Variants in CSMD2 observed in about 807,000 individuals in gnomAD.
CSMD2 encodes CUB and sushi domain-containing protein 2.
CSMD2 carries 130 observed loss-of-function variants against 398.5 expected under a neutral mutation model. That is an observed-to-expected ratio of 0.33 (90% CI 0.28 to 0.38). The LOEUF is 0.38. CSMD2 is among the 10% of genes least tolerant of loss of function. The pLI is 1.00. For synonymous variants in CSMD2, 1,828 were observed against 1,908.5 expected, an observed-to-expected ratio of 0.96 and a Z score of 1.10; for missense variants, 3,829 against 4,764.9, an observed-to-expected ratio of 0.80 and a Z score of 5.78.
intron 6 of CSMD2, among the ~76,000 whole-genome samples, chr1:33,835,688 C>CA (rs1553226546): frequency 7.4e-4 from 7 of 9,442 alleles, no homozygotes; most frequent in Non-Finnish European, 9.0e-4. Flanking sequence ...CAAAACAAAA[C>CA]AAAAAAAACA....
intron 5 of CSMD2, among the ~76,000 whole-genome samples, chr1:33,888,783 G>GTTGTTGTTA (rs1641775658): frequency 6.6e-6 from 1 of 151,956 alleles, no homozygotes; most frequent in African/African-American, 2.4e-5. Context: ...TGTTGTTGTT[G>GTTGTTGTTA]TTGAGATGGA....
chr1:34,087,095 C>T (rs1215786192), intron 2 of CSMD2, among the ~76,000 whole-genome samples: 1 of 152,102 alleles, frequency 6.6e-6, no homozygotes, highest in Non-Finnish European at 1.5e-5. Context: ...GGCTCTGCCA[C>T]AGCAAGACCA....
intron 5 of CSMD2, among the ~76,000 whole-genome samples, chr1:33,912,684 C>T (rs1558092845): frequency 6.6e-6 from 1 of 152,130 alleles, no homozygotes; most frequent in Non-Finnish European, 1.5e-5. Flanking sequence ...TGGTCCCTGC[C>T]CCCCTACTCT....
intron 3 of CSMD2, among the ~76,000 whole-genome samples, chr1:33,980,464 A>C (rs1646127554): frequency 6.6e-6 from 1 of 152,226 alleles, no homozygotes; most frequent in Admixed American, 6.5e-5. Context: ...GGAGAGACAA[A>C]GAATGATTCA....
chr1:33,526,087 T>C (rs902868551), intron 65 of CSMD2, among the ~76,000 whole-genome samples: 1 of 152,248 alleles, frequency 6.6e-6, no homozygotes, highest in African/African-American at 2.4e-5. Context: ...TGTATACATA[T>C]AGAATAACAT....
intron 2 of CSMD2, among the ~76,000 whole-genome samples, chr1:34,034,436 A>C (rs1650858782): frequency 6.6e-6 from 1 of 152,160 alleles, no homozygotes; most frequent in African/African-American, 2.4e-5. Flanking sequence ...TGGACCTTAA[A>C]CTACTACAAT....
intron 11 of CSMD2, 127 bp from the exon 12 acceptor site, chr1:33,788,839 C>G: frequency 4.7e-6 from 3 of 635,016 alleles, no homozygotes; most frequent in Non-Finnish European, 8.5e-6. Context: ...CTGGGCCCCA[C>G]TGTGTTTCTG....
At position 33,730,880 on chromosome 1, in the gene CSMD2, T is replaced by C. The variant is rs566609519; in HGVS notation, c.2369-4195A>G. Among the ~76,000 whole-genome samples, 374 of 152,324 alleles carry C rather than the reference T, an allele frequency of 2.5e-3. 2 individuals are homozygous for C. The highest frequency in any genetic ancestry group is 3.6e-3 in the Non-Finnish European group (245 of 68,018). On this transcript the variant is annotated intron_variant, in intron 15 of 70. Transcript: ENST00000373381. The stretch of plus-strand genomic sequence containing the variant: ...TTTTAAAAACTGTTTCCTAGCTGTG[T>C]TCATTGAAAAGGCTTAGAAACAGGA...
At chr1:33,605,049 C>G (rs754605197) in intron 42 of CSMD2, among the ~76,000 whole-genome samples, 6 of 152,194 alleles carry the variant, frequency 3.9e-5, no homozygotes, top group African/African-American at 7.2e-5. Context: ...TTCCTCTTGG[C>G]TGTGGCCCAC....
chr1:33,603,851 A>G (rs965587471), intron 42 of CSMD2, among the ~76,000 whole-genome samples: 1 of 152,248 alleles, frequency 6.6e-6, no homozygotes, highest in African/African-American at 2.4e-5. Flanking sequence ...AGAGAGAGGA[A>G]TGCTGTATGG....
At chr1:33,907,850 G>A in intron 5 of CSMD2, among the ~76,000 whole-genome samples, 1 of 152,108 alleles carries the variant, frequency 6.6e-6, no homozygotes, top group Non-Finnish European at 1.5e-5. Context: ...TACAGACTGG[G>A]CTGGGCGTGG....
At chr1:33,887,782 C>CA (rs539302092) in intron 5 of CSMD2, among the ~76,000 whole-genome samples, 42 of 147,306 alleles carry the variant, frequency 2.9e-4, no homozygotes, top group East Asian at 3.9e-4. Flanking sequence ...TATAAGAAGC[C>CA]AAAAAAAAAG....
At chr1:33,988,851 G>GA (rs1180298269) in intron 3 of CSMD2, among the ~76,000 whole-genome samples, 3 of 151,526 alleles carry the variant, frequency 2.0e-5, no homozygotes, top group Admixed American at 1.3e-4. Flanking sequence ...TTCACACAGG[G>GA]AAAAAATGAA....
Position 33,729,429 on chromosome 1 carries a change from G to A in CSMD2, c.2369-2744C>T, listed in dbSNP as rs916068523. 6.7e-5 allele frequency among the ~76,000 whole-genome samples: 10 copies of A among 149,864 alleles called. 1 individual carries two copies. The highest frequency in any genetic ancestry group is 3.9e-4 in the East Asian group (2 of 5,132). The stretch of plus-strand genomic sequence containing the variant: ...TCATATTGCAGAGTGGTAGTTGCCC[G>A]GCAGGGATTTGGAGGGGAGGATTCT... On this transcript the variant is annotated intron_variant, in intron 15 of 70. Transcript: ENST00000373381.
chr1:33,810,153 C>A (rs1291552127), intron 10 of CSMD2, among the ~76,000 whole-genome samples: 1 of 151,920 alleles, frequency 6.6e-6, no homozygotes, highest in Non-Finnish European at 1.5e-5. Flanking sequence ...ATCTTGGCAA[C>A]ATACTTGTAA....
At chr1:34,102,472 C>T (rs547129029) in intron 1 of CSMD2, among the ~76,000 whole-genome samples, 5 of 152,188 alleles carry the variant, frequency 3.3e-5, no homozygotes, top group Non-Finnish European at 7.3e-5. Flanking sequence ...AAAGTCCTCA[C>T]CATAGTCCTC....
chr1:33,700,165 C>A (rs1011836927), intron 23 of CSMD2, among the ~76,000 whole-genome samples: 1 of 152,084 alleles, frequency 6.6e-6, no homozygotes, highest in South Asian at 2.1e-4. Context: ...CCCGCCACCA[C>A]GCCCAGCTAA....
intron 25 of CSMD2, among the ~76,000 whole-genome samples, chr1:33,670,248 C>T (rs1644450844): frequency 1.3e-5 from 2 of 152,160 alleles, no homozygotes; most frequent in African/African-American, 2.4e-5. Context: ...TGCTGAATCC[C>T]TTAACTCTTG....
At chr1:34,029,557 C>T (rs1421830448) in intron 3 of CSMD2, among the ~76,000 whole-genome samples, 1 of 152,188 alleles carries the variant, frequency 6.6e-6, no homozygotes, top group Non-Finnish European at 1.5e-5. Context: ...TCACATTTGT[C>T]CAGATGCATG....
Sources: gnomAD v4.1 joint callset for allele counts (sites outside exome capture counted in the v4.1 genomes callset) on GRCh38, gnomAD v4.1.1 for gene constraint, MANE v1.5 for transcripts, NCBI Gene and HGNC (gene_info 2026-07-23, HGNC 2026-07-21) for gene names.